Variants in PPP1R1C observed in about 807,000 individuals in gnomAD.
The protein encoded by PPP1R1C is protein phosphatase 1 regulatory inhibitor subunit 1C.
In PPP1R1C, 15 loss-of-function variants were observed where a neutral mutation model predicts 17.4. The observed-to-expected ratio is 0.86, with a 90% confidence interval of 0.58 to 1.33. The LOEUF (loss-of-function observed/expected upper bound fraction) is 1.33. PPP1R1C is among the 40% of genes most tolerant of loss of function. The pLI is 0.00. For synonymous variants in PPP1R1C, 35 were observed against 43.1 expected (o/e 0.81, Z 0.73); for missense variants, 143 against 130.0 (o/e 1.10, Z -0.48).
At chr2:182,116,615 G>A (rs924405601) in intron 4 of PPP1R1C, among the ~76,000 whole-genome samples, 1 of 152,176 alleles carries the variant, frequency 6.6e-6, no homozygotes, top group Non-Finnish European at 1.5e-5. Context: ...AAATGGTAGA[G>A]AGCCCAGATT....
downstream of PPP1R1C, among the ~76,000 whole-genome samples, chr2:182,119,586 A>T (rs937792422): frequency 6.6e-6 from 1 of 152,148 alleles, no homozygotes; most frequent in Non-Finnish European, 1.5e-5. Context: ...TGACTTTTTA[A>T]TGATCACCAT....
rs566120216 is a variant in PPP1R1C at position 182,020,229 on chromosome 2, A to G, written c.142+32330A>G. 3.9e-5 allele frequency among the ~76,000 whole-genome samples: 6 copies of G among 152,308 alleles called. No individual in the cohort carries two copies. The East Asian group carries it at 9.6e-4, about 24-fold the overall frequency. ...AAATATTCATACTGTGATTCCTGAT[A>G]AGTAAGATCTGAGGTAAACAGATTA... On this transcript the variant is annotated intron_variant, in intron 2 of 4. Transcript: ENST00000682840.
intron 2 of PPP1R1C, among the ~76,000 whole-genome samples, chr2:182,017,451 G>T (rs1447860092): frequency 6.6e-6 from 1 of 151,828 alleles, no homozygotes; most frequent in African/African-American, 2.4e-5. Flanking sequence ...CTTGCTCATT[G>T]TTTTTGCTTA....
At chr2:181,956,318 T>G (rs945423685) in intron 1 of PPP1R1C, among the ~76,000 whole-genome samples, 11 of 152,354 alleles carry the variant, frequency 7.2e-5, no homozygotes, top group African/African-American at 2.6e-4. Context: ...TTTGGGTTGG[T>G]TCCAAGTCTT....
intron 2 of PPP1R1C, among the ~76,000 whole-genome samples, chr2:182,008,984 A>G (rs1686010350): frequency 6.6e-6 from 1 of 152,190 alleles, no homozygotes; most frequent in Non-Finnish European, 1.5e-5. Flanking sequence ...ATGGCTGAAG[A>G]GTAGTCTATT....
At chr2:182,071,923 C>T (rs1688152078) in intron 4 of PPP1R1C, among the ~76,000 whole-genome samples, 1 of 152,162 alleles carries the variant, frequency 6.6e-6, no homozygotes, top group Non-Finnish European at 1.5e-5. Context: ...ACAAGATTCT[C>T]TAGGCTCATT....
chr2:182,085,092 A>C (rs992609866), intron 4 of PPP1R1C, among the ~76,000 whole-genome samples: 1 of 151,958 alleles, frequency 6.6e-6, no homozygotes. Context: ...TGTACATTGC[A>C]TCATATAGTG....
At chr2:182,025,102 T>A (rs529181134) in intron 2 of PPP1R1C, among the ~76,000 whole-genome samples, 1 of 150,292 alleles carries the variant, frequency 6.7e-6, no homozygotes, top group East Asian at 1.9e-4. Context: ...GGTTCTATAC[T>A]CTTTATAAGG....
chr2:181,978,460 T>C (rs1685136959), intron 2 of PPP1R1C, among the ~76,000 whole-genome samples: 2 of 152,142 alleles, frequency 1.3e-5, no homozygotes, highest in Non-Finnish European at 2.9e-5. Context: ...TAGCTAGGGA[T>C]TAGAATGCTT....
At chr2:182,110,075 A>G (rs982434597) in intron 4 of PPP1R1C, among the ~76,000 whole-genome samples, 19 of 151,664 alleles carry the variant, frequency 1.3e-4, no homozygotes, top group African/African-American at 4.1e-4. Context: ...ACAATTCACA[A>G]TAATACAGAG....
intron 2 of PPP1R1C, among the ~76,000 whole-genome samples, chr2:182,051,518 T>TA (rs1434870442): frequency 2.6e-5 from 4 of 151,928 alleles, no homozygotes; most frequent in Non-Finnish European, 2.9e-5. Flanking sequence ...GATAGACATT[T>TA]AAAAAAAACG....
intron 2 of PPP1R1C, among the ~76,000 whole-genome samples, chr2:182,001,155 A>G (rs910546224): frequency 1.3e-5 from 2 of 152,178 alleles, no homozygotes; most frequent in Non-Finnish European, 2.9e-5. Flanking sequence ...CAGGCTGACC[A>G]AAGTTTTGGA....
chr2:182,077,346 G>C (rs761859179), intron 4 of PPP1R1C, among the ~76,000 whole-genome samples: 7 of 152,072 alleles, frequency 4.6e-5, no homozygotes, highest in Non-Finnish European at 7.4e-5. Context: ...TATGTGAATC[G>C]ACTTTAATTA....
At position 182,058,375 on chromosome 2, in the gene PPP1R1C, C is replaced by T. The variant is rs1286499539; in HGVS notation, c.143-3067C>T. Among the ~76,000 whole-genome samples the T allele has an allele frequency of 7.9e-5, 12 of 152,110 alleles. No individual in the cohort carries two copies. The South Asian group carries it at 1.7e-3, about 21-fold the overall frequency. On this transcript the variant is annotated intron_variant, in intron 2 of 4. Coordinates refer to ENST00000682840, the MANE Select transcript of PPP1R1C (RefSeq NM_001080545.3). The stretch of plus-strand genomic sequence containing the variant: ...GAGGAAGATCATTGATATAAAGTCT[C>T]GTCTTCATAGCATCATAGCAAGGGA...
intron 2 of PPP1R1C, among the ~76,000 whole-genome samples, chr2:182,016,371 A>T (rs1429927498): frequency 1.3e-5 from 2 of 152,124 alleles, no homozygotes; most frequent in Non-Finnish European, 2.9e-5. Context: ...CTTTCTTATG[A>T]AGTTGCTTTC....
At chr2:181,955,303 T>C (rs1398508589) in intron 1 of PPP1R1C, among the ~76,000 whole-genome samples, 1 of 152,256 alleles carries the variant, frequency 6.6e-6, no homozygotes, top group Non-Finnish European at 1.5e-5. Context: ...CTTTCCTCTT[T>C]ACCATGCTTT....
intron 2 of PPP1R1C, among the ~76,000 whole-genome samples, chr2:182,038,048 A>G (rs116749106): frequency 0.019 from 2,826 of 151,954 alleles, 72 homozygotes; most frequent in African/African-American, 0.065. Flanking sequence ...TATTTTATAT[A>G]TATATTTGAG....
At chr2:182,020,828 A>G (rs1686400828) in intron 2 of PPP1R1C, among the ~76,000 whole-genome samples, 1 of 152,198 alleles carries the variant, frequency 6.6e-6, no homozygotes, top group Non-Finnish European at 1.5e-5. Flanking sequence ...TCAGCTTTCC[A>G]AAGGTTAGTC....
intron 2 of PPP1R1C, among the ~76,000 whole-genome samples, chr2:182,008,846 T>C (rs553483771): frequency 6.6e-6 from 1 of 152,320 alleles, no homozygotes; most frequent in South Asian, 2.1e-4. Flanking sequence ...CATGTGTTTG[T>C]TTCAATTTTT....
Sources: gnomAD v4.1 joint callset for allele counts (sites outside exome capture counted in the v4.1 genomes callset) on GRCh38, gnomAD v4.1.1 for gene constraint, MANE v1.5 for transcripts, NCBI Gene and HGNC (gene_info 2026-07-23, HGNC 2026-07-21) for gene names.